The following TBCA variants were observed in gnomAD, a reference collection of about 807,000 sequenced individuals.
The protein encoded by TBCA is tubulin folding cofactor A, also known as tubulin-specific chaperone A.
Under a neutral mutation model 15.8 loss-of-function variants are expected in TBCA, and 6 were observed. The observed-to-expected ratio is 0.38, with a 90% CI of 0.21 to 0.75. The LOEUF (loss-of-function observed/expected upper bound fraction) is 0.75. Ranked by LOEUF, TBCA falls within the 30% of genes least tolerant of loss-of-function variation. The pLI is 0.46. For missense variants in TBCA, 90 were observed against 131.2 expected, an observed-to-expected ratio of 0.69 and a Z score of 1.53; for synonymous variants, 32 against 42.3, an observed-to-expected ratio of 0.76 and a Z score of 0.94.
At chr5:77,760,154 TC>T (rs1201332286) in intron 1 of TBCA, among the ~76,000 whole-genome samples, 1 of 152,152 alleles carries the variant, frequency 6.6e-6, no homozygotes, top group Non-Finnish European at 1.5e-5. Flanking sequence ...CTTTCCTACT[TC>T]TAACACAGAG....
intron 1 of TBCA, among the ~76,000 whole-genome samples, chr5:77,725,617 G>A (rs543904555): frequency 6.6e-5 from 10 of 152,332 alleles, no homozygotes; most frequent in African/African-American, 1.7e-4. Flanking sequence ...AACATCAGCC[G>A]CGTATGCCTC....
Position 77,693,318 on chromosome 5 carries a change from G to A in TBCA, c.194C>T (p.Pro65Leu), listed in dbSNP as rs1580086671. 1 of 1,613,552 alleles carries A rather than the reference G, an allele frequency of 6.2e-7. No homozygotes were observed. Among genetic ancestry groups the A allele is most frequent in the East Asian group, 2.2e-5 (1 of 44,860 alleles). ...EILQESRMMIPDCQRRLEAAY... is the reference protein window; with the variant it reads ...EILQESRMMILDCQRRLEAAY... ...GGCTTCCAACCTGCGCTGGCAATCT[G>A]GGATCATCATCCTGGATTCTTGTAG... The change falls in exon 3 of 4, where the codon CCA becomes CTA. Residue 65 changes from proline (P) to leucine (L), a missense_variant. By Grantham distance (98) the Pro-to-Leu change is moderately conservative. Coordinates refer to ENST00000380377, the MANE Select transcript of TBCA (RefSeq NM_004607.3).
intron 1 of TBCA, among the ~76,000 whole-genome samples, chr5:77,749,013 G>A (rs767453501): frequency 6.6e-6 from 1 of 152,202 alleles, no homozygotes; most frequent in African/African-American, 2.4e-5. Flanking sequence ...CTACAGGTAC[G>A]TATCAAGCAA....
intron 1 of TBCA, among the ~76,000 whole-genome samples, chr5:77,734,673 C>T (rs144144042): frequency 2.0e-5 from 3 of 152,162 alleles, no homozygotes; most frequent in Non-Finnish European, 2.9e-5. Flanking sequence ...TAATACTATA[C>T]GTAAACTTAG....
At chr5:77,697,041 A>AATAC (rs1369225591) in intron 2 of TBCA, among the ~76,000 whole-genome samples, 1 of 152,226 alleles carries the variant, frequency 6.6e-6, no homozygotes, top group Non-Finnish European at 1.5e-5. Flanking sequence ...CTACCAAGAA[A>AATAC]ATACAGTGAT....
At chr5:77,771,708 C>T (rs1165664461) in intron 1 of TBCA, among the ~76,000 whole-genome samples, 1 of 152,208 alleles carries the variant, frequency 6.6e-6, no homozygotes, top group East Asian at 1.9e-4. Flanking sequence ...TACTTATTGC[C>T]TGTTTCCATA....
intron 1 of TBCA, among the ~76,000 whole-genome samples, chr5:77,774,700 C>T (rs1747981226): frequency 6.6e-6 from 1 of 152,172 alleles, no homozygotes; most frequent in Admixed American, 6.5e-5. Flanking sequence ...TGTAGCCTGA[C>T]CACCTCGGGC....
intron 1 of TBCA, among the ~76,000 whole-genome samples, chr5:77,756,737 C>A (rs555904405): frequency 1.6e-4 from 25 of 152,092 alleles, no homozygotes; most frequent in African/African-American, 6.0e-4. Flanking sequence ...AATCCTTTCA[C>A]TGTACAGGGT....
chr5:77,741,807 T>C (rs987845472), intron 1 of TBCA, among the ~76,000 whole-genome samples: 3 of 152,128 alleles, frequency 2.0e-5, no homozygotes, highest in African/African-American at 7.2e-5. Context: ...GCTGCTGATA[T>C]AGCTCAGGGA....
chr5:77,702,574 G>A (rs1746045271), intron 2 of TBCA, among the ~76,000 whole-genome samples: 1 of 152,156 alleles, frequency 6.6e-6, no homozygotes, highest in African/African-American at 2.4e-5. Context: ...ATCTTGATTG[G>A]TTGCTGCACA....
At chr5:77,771,599 GGCT>G (rs1294362570) in intron 1 of TBCA, among the ~76,000 whole-genome samples, 3 of 152,130 alleles carry the variant, frequency 2.0e-5, no homozygotes, top group Non-Finnish European at 4.4e-5. Flanking sequence ...TTATAATGTG[GGCT>G]GCTATCCATT....
intron 1 of TBCA, among the ~76,000 whole-genome samples, chr5:77,742,757 A>G (rs1241940080): frequency 6.6e-6 from 1 of 152,228 alleles, no homozygotes; most frequent in African/African-American, 2.4e-5. Flanking sequence ...TAACTATCCA[A>G]CACTCGATCT....
At chr5:77,755,082 T>C (rs1235495392) in intron 1 of TBCA, among the ~76,000 whole-genome samples, 1 of 152,232 alleles carries the variant, frequency 6.6e-6, no homozygotes, top group Admixed American at 6.5e-5. Flanking sequence ...GAGATAGTAA[T>C]ACAAACTCAC....
intron 1 of TBCA, among the ~76,000 whole-genome samples, chr5:77,732,270 G>A (rs1746789878): frequency 1.3e-5 from 2 of 152,020 alleles, no homozygotes. Flanking sequence ...GGGTATCTGG[G>A]TCCTATGAAA....
At chr5:77,768,142 C>A (rs1165970759) in intron 1 of TBCA, among the ~76,000 whole-genome samples, 1 of 152,136 alleles carries the variant, frequency 6.6e-6, no homozygotes, top group Non-Finnish European at 1.5e-5. Context: ...AAATAAATTT[C>A]TCTTATTTAT....
At chr5:77,704,668 T>C (rs575447214) in intron 2 of TBCA, among the ~76,000 whole-genome samples, 3 of 148,768 alleles carry the variant, frequency 2.0e-5, no homozygotes, top group South Asian at 2.2e-4. Context: ...GCAACACCCA[T>C]TGTATATGAT....
intron 1 of TBCA, among the ~76,000 whole-genome samples, chr5:77,734,921 A>T (rs781547381): frequency 2.0e-5 from 3 of 152,222 alleles, no homozygotes; most frequent in African/African-American, 7.2e-5. Flanking sequence ...GTAACAGCAA[A>T]AAGATTACAA....
chr5:77,770,106 A>T (rs1412099891), intron 1 of TBCA, among the ~76,000 whole-genome samples: 1 of 152,230 alleles, frequency 6.6e-6, no homozygotes, highest in African/African-American at 2.4e-5. Flanking sequence ...TACTTGCAGA[A>T]GAATTTCTTG....
At chr5:77,768,502 T>C (rs780958202) in intron 1 of TBCA, among the ~76,000 whole-genome samples, 2 of 152,200 alleles carry the variant, frequency 1.3e-5, no homozygotes, top group African/African-American at 2.4e-5. Flanking sequence ...TGCAAGAATA[T>C]AGTAACTATT....
Sources: gnomAD v4.1 joint callset for allele counts (sites outside exome capture counted in the v4.1 genomes callset) on GRCh38, gnomAD v4.1.1 for gene constraint, MANE v1.5 for transcripts, NCBI Gene and HGNC (gene_info 2026-07-23, HGNC 2026-07-21) for gene names.